TRIM72: variants seen among roughly 807,000 people sequenced by gnomAD.
The protein encoded by TRIM72 is tripartite motif-containing protein 72.
Under a neutral mutation model 31.6 loss-of-function variants are expected in TRIM72, and 33 were observed. The ratio of observed to expected loss-of-function variants is 1.04; its 90% confidence interval spans 0.79 to 1.40. TRIM72 has a LOEUF of 1.40. Among genes scored for constraint, TRIM72 ranks in the 40% most tolerant of loss-of-function variants. The pLI, the probability that TRIM72 is intolerant of heterozygous loss-of-function variation, is 0.00. For synonymous variants in TRIM72, 301 were observed against 314.4 expected (o/e 0.96, Z 0.45); for missense variants, 666 against 682.7 (o/e 0.98, Z 0.27).
rs2079502536 is a variant in TRIM72, at chr16:31,215,273, A to C, written c.390+145A>C. On this transcript the variant is annotated intron_variant, in intron 2 of 6. Transcript: ENST00000322122. The surrounding 1 kb of genome is among the most constrained non-coding windows in gnomAD (Gnocchi z 6.3). ...GCGGGGGGCGGGGGCGGGGCGAAGC[A>C]GCCAGGAAAGAGGGTCTGAGGAGCT... 8.7e-6 allele frequency: 11 copies of C among 1,259,100 alleles called. No homozygotes were observed. The highest frequency in any genetic ancestry group is 5.1e-6 in the Non-Finnish European group (5 of 977,384). 78.0% of individuals were successfully genotyped at this position (1,259,100 alleles called of 1,614,324 possible). A position where few individuals can be genotyped will look rare whatever the true frequency, so the allele number is the denominator to read the frequency against.
rs1156459174 is a variant in TRIM72, at chr16:31,214,728, C to T, written c.-7-4C>T. The T allele has an allele frequency of 6.4e-7, 1 of 1,561,972 alleles. No homozygotes were observed. Among genetic ancestry groups the T allele is most frequent in the Admixed American group, 1.8e-5 (1 of 56,796 alleles). The stretch of plus-strand genomic sequence containing the variant: ...TCCCCCTAACCTACTCCTCCTCCAC[C>T]CAGGCCCGCCATGTCGGCTGCGCCC... On this transcript the variant is annotated splice_polypyrimidine_tract_variant and splice_region_variant and intron_variant, in intron 1 of 6. Coordinates refer to ENST00000322122, the MANE Select transcript of TRIM72 (RefSeq NM_001008274.4).
chr16:31,224,325 T>G lies in TRIM72; in HGVS notation c.1004T>G (p.Val335Gly). Residue 335 changes from valine (V) to glycine (G), a missense_variant, in exon 7 of 7, where the codon GTG (valine) becomes GGG (glycine). Transcript: ENST00000322122. Reference sequence around the variant, plus strand: ...CAGTTCGACAAGGCGGTGGCGGTGGTGGCGCACCAGCAGCTCTCCGAGGGC... The same window carrying G: ...CAGTTCGACAAGGCGGTGGCGGTGGGGGCGCACCAGCAGCTCTCCGAGGGC... ...PRQFDKAVAVVAHQQLSEGEH... is the reference protein window; with the variant it reads ...PRQFDKAVAVGAHQQLSEGEH... The G allele has an allele frequency of 1.9e-6, 3 of 1,596,230 alleles. No individual in the cohort carries two copies. The highest frequency in any genetic ancestry group is 2.6e-6 in the Non-Finnish European group (3 of 1,174,434).
rs1306467317 is a variant in TRIM72, at chr16:31,224,360, T to C, written c.1039T>C (p.Trp347Arg). 2.6e-6 allele frequency: 4 copies of C among 1,531,602 alleles called. No homozygotes were observed. The highest frequency in any genetic ancestry group is 2.9e-5 in the African/African-American group (2 of 69,994). The allele number at this position is 1,531,602 out of a possible 1,614,324, so 94.9% of individuals were successfully genotyped here. A position where few individuals can be genotyped will look rare whatever the true frequency, so the allele number is the denominator to read the frequency against. The change falls in exon 7 of 7, where the codon TGG becomes CGG. Residue 347 changes from tryptophan to arginine, a missense_variant. Coordinates refer to ENST00000322122, the MANE Select transcript of TRIM72 (RefSeq NM_001008274.4). The stretch of plus-strand genomic sequence containing the variant: ...GCAGCTCTCCGAGGGCGAGCACTAC[T>C]GGGAGGTGGATGTTGGCGACAAGCC... Reference protein sequence around the residue: ...HQQLSEGEHYWEVDVGDKPRW... With the variant: ...HQQLSEGEHYREVDVGDKPRW...
chr16:31,220,779 C>A, intron 4 of TRIM72, 117 bp from the exon 5 acceptor site: 1 of 1,394,398 alleles, frequency 7.2e-7, no homozygotes, highest in Non-Finnish European at 1.0e-6. Context: ...CCTCTTTTAG[C>A]TTTTCTGATT....
chr16:31,220,778 G>T lies in TRIM72; in HGVS notation c.718-118G>T, dbSNP rs10451177. 52 of 1,388,112 alleles carry T rather than the reference G, an allele frequency of 3.7e-5. No individual in the cohort carries two copies. In the African/African-American group the frequency reaches 4.1e-4, roughly 11 times the overall value. 86.0% of individuals were successfully genotyped at this position (1,388,112 alleles called of 1,614,324 possible). On this transcript the variant is annotated intron_variant, in intron 4 of 6. Coordinates refer to ENST00000322122, the MANE Select transcript of TRIM72 (RefSeq NM_001008274.4). ...GAGCCACCTCGTCTGGCCTCTTTTA[G>T]CTTTTCTGATTCTTTCTGACGTTGC...
intron 6 of TRIM72, among the ~76,000 whole-genome samples, chr16:31,223,554 C>G (rs1178581111): frequency 6.6e-6 from 1 of 152,136 alleles, no homozygotes; most frequent in Admixed American, 6.5e-5. Context: ...GCTCCTTGAC[C>G]TTGGGCCTTG....
chr16:31,223,008 C>A (rs2079540905), intron 6 of TRIM72, 63 bp downstream of exon 6: 1 of 1,328,038 alleles, frequency 7.5e-7, no homozygotes, highest in Non-Finnish European at 1.1e-6. Context: ...GCCCTAGCCA[C>A]CCTGGAGAGG....
intron 2 of TRIM72, among the ~76,000 whole-genome samples, chr16:31,218,697 A>G (rs2079520455): frequency 6.6e-6 from 1 of 151,782 alleles, no homozygotes; most frequent in Non-Finnish European, 1.5e-5. Flanking sequence ...AAAAAAAATC[A>G]GAAAATTTGC....
rs985352443 is a variant in TRIM72, at chr16:31,226,586, G to A, written c.*1831G>A. On this transcript the variant is annotated 3_prime_UTR_variant, in exon 7 of 7. Coordinates refer to ENST00000322122, the MANE Select transcript of TRIM72 (RefSeq NM_001008274.4). ...AGCCAGCCAAGAGAAAGAGCCTGAT[G>A]CCAAGGTCACACTGGTCCCTGCTGC... 6.6e-6 allele frequency: 1 copy of A among 152,268 alleles called. No homozygotes were observed. The highest frequency in any genetic ancestry group is 2.4e-5 in the African/African-American group (1 of 41,444). 9.4% of individuals were successfully genotyped at this position (152,268 alleles called of 1,614,324 possible).
chr16:31,219,495 C>T lies in TRIM72; in HGVS notation c.693C>T (p.Asp231=), dbSNP rs200975523. The T allele has an allele frequency of 5.0e-6, 8 of 1,607,618 alleles. No homozygotes were observed. The South Asian group carries it at 8.8e-5, about 18-fold the overall frequency. Residue 231 remains aspartate, a synonymous_variant, in exon 4 of 7, where the codon GAC becomes GAT. Coordinates refer to ENST00000322122, the MANE Select transcript of TRIM72 (RefSeq NM_001008274.4). The surrounding 1 kb of genome is among the most constrained non-coding windows in gnomAD (Gnocchi z 4.2). ...QMEKVLEEVA[D]KPQTEFLMKY... is the part of the protein sequence containing the mutation. ...AGAAGGTCCTGGAGGAGGTGGCGGA[C>T]AAGCCGCAGACTGAGTTCCTCATGG...
Position 31,224,656 on chromosome 16 carries a change from G to C in TRIM72, c.1335G>C (p.Leu445=), listed in dbSNP as rs1014975340. Reference sequence around the variant, plus strand: ...CGCTTTTTGCCTTCCACGAGCGCCTGCCCAGGCCCGTGTACCCCTTCTTCG... The same window carrying C: ...CGCTTTTTGCCTTCCACGAGCGCCTCCCCAGGCCCGTGTACCCCTTCTTCG... ...LVPLFAFHER[L]PRPVYPFFDV... Residue 445 remains leucine (L), a synonymous_variant, in exon 7 of 7, where the codon CTG becomes CTC. Transcript: ENST00000322122. 2 of 1,547,868 alleles carry C rather than the reference G, an allele frequency of 1.3e-6. No individual in the cohort carries two copies. Among genetic ancestry groups the C allele is most frequent in the African/African-American group, 2.7e-5 (2 of 73,396 alleles).
chr16:31,229,412 G>A lies in TRIM72; in HGVS notation c.*4657G>A, dbSNP rs1220419933. 1 of 152,210 alleles carries A rather than the reference G, an allele frequency of 6.6e-6. No individual in the cohort carries two copies. The highest frequency in any genetic ancestry group is 2.4e-5 in the African/African-American group (1 of 41,444). 9.4% of individuals were successfully genotyped at this position (152,210 alleles called of 1,614,324 possible). Reference sequence around the variant, plus strand: ...GAATTATATCAGGAAACTTTCTTTCGAAGCTGCCACAGGTTCTTTCTGCGT... The same window carrying A: ...GAATTATATCAGGAAACTTTCTTTCAAAGCTGCCACAGGTTCTTTCTGCGT... On this transcript the variant is annotated 3_prime_UTR_variant, in exon 7 of 7. Coordinates refer to ENST00000322122, the MANE Select transcript of TRIM72 (RefSeq NM_001008274.4).
rs2079553168 is a variant in TRIM72 at position 31,225,654 on chromosome 16, T to A, written c.*899T>A. The A allele has an allele frequency of 3.9e-5, 5 of 128,316 alleles. No individual in the cohort carries two copies. The South Asian group carries it at 1.4e-3, about 36-fold the overall frequency. 7.9% of individuals were successfully genotyped at this position (128,316 alleles called of 1,614,324 possible). A position where few individuals can be genotyped will look rare whatever the true frequency, so the allele number is the denominator to read the frequency against. ...TCTTTTTTTTATTTCTTTTTTTTTT[T>A]TTTTTTTTTTTTTTTGAGACAGAGT... On this transcript the variant is annotated 3_prime_UTR_variant, in exon 7 of 7. Coordinates refer to ENST00000322122, the MANE Select transcript of TRIM72 (RefSeq NM_001008274.4).
Position 31,216,937 on chromosome 16 carries a change from G to A in TRIM72, c.390+1809G>A, listed in dbSNP as rs372347969. On this transcript the variant is annotated intron_variant, in intron 2 of 6. Coordinates refer to ENST00000322122, the MANE Select transcript of TRIM72 (RefSeq NM_001008274.4). This position sits in a 1 kb window ranked among gnomAD's most constrained non-coding sequence, Gnocchi z 6.7. ...GATGCGCTCAAAGCCCTCGCGCAGC[G>A]GCACCGTCCCCAGCTTCATCTTGAA... The A allele has an allele frequency of 1.9e-6, 3 of 1,614,128 alleles. No homozygotes were observed. The highest frequency in any genetic ancestry group is 2.5e-6 in the Non-Finnish European group (3 of 1,180,028).
intron 2 of TRIM72, among the ~76,000 whole-genome samples, chr16:31,218,242 G>C (rs557749411): frequency 1.3e-5 from 2 of 152,260 alleles, no homozygotes; most frequent in East Asian, 3.9e-4. Flanking sequence ...CCAGGGAGGG[G>C]TCAACAAAAC....
In TRIM72 at chr16:31,224,507, G is replaced by C. The variant is rs1328791124; in HGVS notation, c.1186G>C (p.Glu396Gln). ...GGGCAAGATCCTGGAGGCACACGTG[G>C]AGGCCAAGGAGCCGCGCGCTCTGCG... The part of the protein sequence containing the change: ...REGKILEAHV[E>Q]AKEPRALRSP... Residue 396 changes from glutamate (E) to glutamine (Q), a missense_variant, in exon 7 of 7, where the codon GAG becomes CAG. Transcript: ENST00000322122. The C allele has an allele frequency of 6.7e-7, 1 of 1,493,170 alleles. No individual in the cohort carries two copies. Among genetic ancestry groups the C allele is most frequent in the Admixed American group, 2.3e-5 (1 of 43,122 alleles). 92.5% of individuals were successfully genotyped at this position (1,493,170 alleles called of 1,614,324 possible). A position where few individuals can be genotyped will look rare whatever the true frequency, so the allele number is the denominator to read the frequency against.
chr16:31,217,119 G>A, intron 2 of TRIM72: 3 of 1,365,514 alleles, frequency 2.2e-6, no homozygotes, highest in Non-Finnish European at 2.0e-6. Context: ...CCCCGGGGAT[G>A]TCCCGGGAAG....
rs1222358892 is a variant in TRIM72, at chr16:31,218,973, T to A, written c.391-122T>A. 5 of 892,352 alleles carry A rather than the reference T, an allele frequency of 5.6e-6. 1 individual carries two copies. Among genetic ancestry groups the A allele is most frequent in the South Asian group, 5.0e-5 (3 of 60,572 alleles). 55.3% of individuals were successfully genotyped at this position (892,352 alleles called of 1,614,324 possible). ...GGAGGCATGTAAGTGGGTTTGGGGA[T>A]GGGAAGATGGCTGGAGGAGGAGCTG... On this transcript the variant is annotated intron_variant, in intron 2 of 6. Transcript: ENST00000322122.
In TRIM72 at chr16:31,228,534, T is replaced by C. The variant is rs12934814; in HGVS notation, c.*3779T>C. ...GCCCTGTGCATGTCTACACTCTGGC[T>C]ATGCTGAACTGAACTGCTGGGGTCT... is the stretch of plus-strand genomic sequence containing the variant. On this transcript the variant is annotated 3_prime_UTR_variant, in exon 7 of 7. Transcript: ENST00000322122. 0.93 allele frequency: 141,540 copies of C among 151,928 alleles called. 66,792 individuals carry two copies. The highest frequency in any genetic ancestry group is 1 in the East Asian group (5,174 of 5,174). 9.4% of individuals were successfully genotyped at this position (151,928 alleles called of 1,614,324 possible). A position where few individuals can be genotyped will look rare whatever the true frequency, so the allele number is the denominator to read the frequency against.
Sources: allele counts gnomAD v4.1 joint callset (sites outside exome capture counted in the v4.1 genomes callset), GRCh38; gene constraint gnomAD v4.1.1; non-coding constraint Gnocchi (gnomAD v3.1); transcripts MANE v1.5; gene names NCBI Gene and HGNC (gene_info 2026-07-23, HGNC 2026-07-21).